The following ADGB variants were observed in gnomAD, a reference collection of about 807,000 sequenced individuals.
ADGB encodes androglobin, also known as calpain-7-like protein.
A neutral mutation model predicts 210.5 loss-of-function variants in ADGB; 172 were observed. The observed-to-expected ratio is 0.82, with a 90% CI of 0.72 to 0.93. The LOEUF (loss-of-function observed/expected upper bound fraction) is 0.93. Among genes scored for constraint, ADGB ranks in the 40% least tolerant of loss-of-function variants. The pLI, the probability that ADGB is intolerant of heterozygous loss-of-function variation, is 0.00. For synonymous variants in ADGB, 658 were observed against 662.7 expected (o/e 0.99, Z 0.11); for missense variants, 2,025 against 1,964.8 (o/e 1.03, Z -0.58).
At chr6:146,803,759 C>T in intron 35 of ADGB, 1 of 698,686 alleles carries the variant, frequency 1.4e-6, no homozygotes, top group South Asian at 1.9e-5. Flanking sequence ...TCAGCCCAGC[C>T]TCCGCGCTGA....
At chr6:146,663,132 T>G (rs1031949611) in intron 5 of ADGB, among the ~76,000 whole-genome samples, 2 of 141,780 alleles carry the variant, frequency 1.4e-5, no homozygotes, top group African/African-American at 5.1e-5. Flanking sequence ...AATATATAAT[T>G]ATATATATAA....
At chr6:146,690,827 T>C (rs1776294780) in intron 10 of ADGB, among the ~76,000 whole-genome samples, 1 of 152,196 alleles carries the variant, frequency 6.6e-6, no homozygotes, top group African/African-American at 2.4e-5. Context: ...GACTAACTGG[T>C]GTGCTAAGAT....
intron 13 of ADGB, among the ~76,000 whole-genome samples, chr6:146,706,347 C>T (rs1206384437): frequency 2.0e-5 from 3 of 151,668 alleles, no homozygotes; most frequent in Non-Finnish European, 4.4e-5. Context: ...GCAACCTCTG[C>T]CTCCCAGGTT....
intron 23 of ADGB, among the ~76,000 whole-genome samples, chr6:146,738,102 G>A (rs79017204): frequency 0.051 from 7,696 of 152,236 alleles, 211 homozygotes; most frequent in Middle Eastern, 0.071. Context: ...TGTTATCTAA[G>A]ATAAGATTCT....
chr6:146,611,141 C>T (rs1347495304), intron 1 of ADGB, among the ~76,000 whole-genome samples: 2 of 152,010 alleles, frequency 1.3e-5, no homozygotes, highest in Non-Finnish European at 2.9e-5. Flanking sequence ...GATGGTTAGA[C>T]AGGGTCTTTT....
At chr6:146,807,842 C>G (rs563524172) in intron 35 of ADGB, 1 of 233,404 alleles carries the variant, frequency 4.3e-6, no homozygotes, top group South Asian at 1.3e-4. Flanking sequence ...ACACTCTAAA[C>G]TGCCTGCATT....
At chr6:146,628,375 T>C (rs1257213870) in intron 1 of ADGB, among the ~76,000 whole-genome samples, 3 of 152,026 alleles carry the variant, frequency 2.0e-5, no homozygotes, top group African/African-American at 4.8e-5. Flanking sequence ...GTATTTCAAC[T>C]TCAGTGTTCC....
intron 33 of ADGB, 31 bp from the exon 34 acceptor site, chr6:146,801,152 G>A: frequency 7.8e-7 from 1 of 1,286,906 alleles, no homozygotes; most frequent in East Asian, 2.8e-5. Context: ...TAAAGCCTAG[G>A]TTTTTTGTTG....
Position 146,741,193 on chromosome 6 carries a change from CA to C in ADGB, c.3100del (p.Ile1034LeufsTer42). 1 of 1,550,478 alleles carries C rather than the reference CA, an allele frequency of 6.4e-7. No homozygotes were observed. The highest frequency in any genetic ancestry group is 8.7e-7 in the Non-Finnish European group (1 of 1,146,098). Reference protein sequence around the residue: ...YTTLPICILHIVNNDTMEQVP... With the variant: ...YTTLPICILHXVNNDTMEQVP... Reference sequence around the variant, plus strand: ...CTACACTTCCAATCTGTATCCTACACATTGTTAATAATGACACAATGGAGCA... The same window carrying C: ...CTACACTTCCAATCTGTATCCTACACTTGTTAATAATGACACAATGGAGCA... On this transcript the variant is annotated frameshift_variant, in exon 25 of 36. Transcript: ENST00000397944. LOFTEE classifies it high-confidence loss of function.
chr6:146,654,053 TA>T, intron 3 of ADGB, 81 bp from the exon 4 acceptor site: 2 of 971,052 alleles, frequency 2.1e-6, no homozygotes, highest in Admixed American at 2.5e-5. Context: ...ACTTCAGGCA[TA>T]AATGGATTAA....
In ADGB at chr6:146,714,316, T is replaced by C. The variant is rs1051510046; in HGVS notation, c.1708-1066T>C. On this transcript the variant is annotated intron_variant, in intron 13 of 35. Coordinates refer to ENST00000397944, the MANE Select transcript of ADGB (RefSeq NM_024694.4). ...GGGCTGGCTCCCAATGTGCATCTTG[T>C]TTTTTTTTTTTTCCCCTGACTCTGG... 2.2e-4 allele frequency among the ~76,000 whole-genome samples: 17 copies of C among 75,960 alleles called. No individual in the cohort carries two copies. In the African/African-American group the frequency reaches 2.4e-3, roughly 11 times the overall value. 49.8% of individuals were successfully genotyped at this position (75,960 alleles called of 152,430 possible).
Position 146,715,746 on chromosome 6 carries a change from A to G in ADGB, c.1741+331A>G, listed in dbSNP as rs561016267. Among the ~76,000 whole-genome samples, 6 of 152,232 alleles carry G rather than the reference A, an allele frequency of 3.9e-5. No individual in the cohort carries two copies. In the South Asian group the frequency reaches 6.2e-4, roughly 16 times the overall value. Reference sequence around the variant, plus strand: ...GGCCAAGAATTGAATTCAAAATTATATATATATTTTTGGATCCAGAAGTCT... The same window carrying G: ...GGCCAAGAATTGAATTCAAAATTATGTATATATTTTTGGATCCAGAAGTCT... On this transcript the variant is annotated intron_variant, in intron 14 of 35. Transcript: ENST00000397944.
At chr6:146,687,789 A>C (rs1013187089) in intron 10 of ADGB, among the ~76,000 whole-genome samples, 13 of 152,076 alleles carry the variant, frequency 8.5e-5, no homozygotes, top group African/African-American at 3.1e-4. Context: ...AAGAAAATAA[A>C]AAAGAACACC....
chr6:146,701,152 A>T, intron 13 of ADGB, 82 bp downstream of exon 13: 5 of 1,380,560 alleles, frequency 3.6e-6, no homozygotes, highest in Non-Finnish European at 5.0e-6. Flanking sequence ...TACTATACAT[A>T]CAAAAGAATG....
intron 32 of ADGB, 143 bp downstream of exon 32, chr6:146,785,855 T>A: frequency 1.6e-6 from 1 of 642,402 alleles, no homozygotes; most frequent in East Asian, 2.8e-5. Flanking sequence ...AGTCGCACAA[T>A]TTCAGATAAC....
Position 146,716,318 on chromosome 6 carries a change from G to A in ADGB, c.1742-565G>A, listed in dbSNP as rs907792200. On this transcript the variant is annotated intron_variant, in intron 14 of 35. Transcript: ENST00000397944. ...TCTAAAGAATCTGTGAGGGCCGGGC[G>A]CGGTGGCTCACGCCTGTAATCCCAG... Among the ~76,000 whole-genome samples the A allele has an allele frequency of 4.1e-4, 53 of 128,600 alleles. 15 individuals are homozygous for A. The highest frequency in any genetic ancestry group is 2.5e-3 in the African/African-American group (49 of 19,672). 84.4% of individuals were successfully genotyped at this position (128,600 alleles called of 152,430 possible).
At chr6:146,808,326 C>A (rs1306335649) in intron 35 of ADGB, among the ~76,000 whole-genome samples, 1 of 152,110 alleles carries the variant, frequency 6.6e-6, no homozygotes, top group Non-Finnish European at 1.5e-5. Context: ...AAAAACTGAA[C>A]TTCAAGAAAC....
rs1777190954 is a variant in ADGB, at chr6:146,743,783, G to T, written c.3178-2139G>T. 2.0e-5 allele frequency among the ~76,000 whole-genome samples: 3 copies of T among 152,230 alleles called. No homozygotes were observed. In the South Asian group the frequency reaches 6.2e-4, roughly 32 times the overall value. ...ACAAAAATTAGCCAGGCGTGGTGGC[G>T]TGCGCCTGTAGTCCCAGCTACTAGG... On this transcript the variant is annotated intron_variant, in intron 25 of 35. Transcript: ENST00000397944.
chr6:146,790,566 C>T (rs145915503), intron 33 of ADGB, among the ~76,000 whole-genome samples: 11 of 152,292 alleles, frequency 7.2e-5, no homozygotes, highest in Non-Finnish European at 8.8e-5. Context: ...TGTCTACATA[C>T]CACATTTTAA....
Sources: allele counts gnomAD v4.1 joint callset (sites outside exome capture counted in the v4.1 genomes callset), GRCh38; gene constraint gnomAD v4.1.1; transcripts MANE v1.5; gene names NCBI Gene and HGNC (gene_info 2026-07-23, HGNC 2026-07-21).